Variants in ERGIC1 observed in about 807,000 individuals in gnomAD.
ERGIC1 encodes endoplasmic reticulum-Golgi intermediate compartment protein 1.
In ERGIC1, 19 loss-of-function variants were observed where a neutral mutation model predicts 38.3. That is an observed-to-expected ratio of 0.50 (90% CI 0.35 to 0.73). The LOEUF (loss-of-function observed/expected upper bound fraction) is 0.73. Ranked by LOEUF, ERGIC1 falls within the 30% of genes least tolerant of loss-of-function variation. ERGIC1 has a pLI of 0.01. For synonymous variants in ERGIC1, 124 were observed against 157.6 expected (o/e 0.79, Z 1.60); for missense variants, 294 against 389.2 (o/e 0.76, Z 2.06).
At chr5:172,844,552 C>T (rs547131872) in intron 1 of ERGIC1, among the ~76,000 whole-genome samples, 170 of 152,310 alleles carry the variant, frequency 1.1e-3, no homozygotes, top group African/African-American at 3.5e-3. Flanking sequence ...ACCTTGGGCT[C>T]GTGGGAGGTG....
chr5:172,912,763 C>CT (rs1763239729), intron 4 of ERGIC1, among the ~76,000 whole-genome samples: 1 of 141,498 alleles, frequency 7.1e-6, no homozygotes, highest in Admixed American at 7.1e-5. Flanking sequence ...CTTTTCTTTT[C>CT]TTTCTTTCTT....
chr5:172,950,815 G>T lies in ERGIC1; in HGVS notation c.872G>T (p.Ter291LeuextTer128), dbSNP rs1205190520. Residue 291 changes from the stop codon to leucine (L), a stop_lost, in exon 10 of 10, where the codon TGA becomes TTA. Coordinates refer to ENST00000393784, the MANE Select transcript of ERGIC1 (RefSeq NM_001031711.3). ...AAGATCCAGCTGGGCAAGATGCATT[G>T]ACGCCACACCCAGCCTAATGGCCGA... ...WKKIQLGKMH* is the reference protein window; with the variant it reads ...WKKIQLGKMHL 11 of 1,607,770 alleles carry T rather than the reference G, an allele frequency of 6.8e-6. No homozygotes were observed. The highest frequency in any genetic ancestry group is 8.5e-6 in the Non-Finnish European group (10 of 1,175,406).
chr5:172,941,842 G>T (rs192949535), intron 9 of ERGIC1, among the ~76,000 whole-genome samples: 44 of 152,306 alleles, frequency 2.9e-4, no homozygotes, highest in African/African-American at 1.0e-3. Context: ...ACCTGTTTAG[G>T]CTTCTGCAAA....
At chr5:172,891,230 G>C (rs1762550866) in intron 2 of ERGIC1, among the ~76,000 whole-genome samples, 1 of 152,116 alleles carries the variant, frequency 6.6e-6, no homozygotes, top group African/African-American at 2.4e-5. Flanking sequence ...TGACTCCCGA[G>C]GAAAGGATAT....
intron 1 of ERGIC1, among the ~76,000 whole-genome samples, chr5:172,838,347 C>T (rs772367527): frequency 6.6e-6 from 1 of 152,184 alleles, no homozygotes; most frequent in African/African-American, 2.4e-5. Context: ...ATGGACCCCC[C>T]TCTGAGTGTG....
intron 1 of ERGIC1, chr5:172,866,957 A>C (rs1271282959): frequency 2.9e-6 from 1 of 343,858 alleles, no homozygotes. Context: ...GAATGAATGC[A>C]TGAAAAAATG....
In ERGIC1 at chr5:172,902,487, C is replaced by T. The variant is rs569091327; in HGVS notation, c.155+5413C>T. Among the ~76,000 whole-genome samples the T allele has an allele frequency of 5.5e-4, 84 of 152,312 alleles. 1 individual carries two copies. The highest frequency in any genetic ancestry group is 1.9e-3 in the African/African-American group (79 of 41,570). On this transcript the variant is annotated intron_variant, in intron 3 of 9. Coordinates refer to ENST00000393784, the MANE Select transcript of ERGIC1 (RefSeq NM_001031711.3). ...TGGAGTGACGGGTTTATGTCTCAGA[C>T]AGCTCACCCCTTGTGAAGATGGGTT...
intron 1 of ERGIC1, among the ~76,000 whole-genome samples, chr5:172,861,279 C>T (rs531095920): frequency 9.8e-5 from 15 of 152,308 alleles, no homozygotes; most frequent in South Asian, 2.1e-4. Flanking sequence ...TCCCTTCCCT[C>T]GGGTCTCTGC....
rs776264638 is a variant in ERGIC1 at position 172,926,523 on chromosome 5, C to T, written c.495C>T (p.His165=). 8 of 1,613,810 alleles carry T rather than the reference C, an allele frequency of 5.0e-6. No homozygotes were observed. Among genetic ancestry groups the T allele is most frequent in the East Asian group, 2.2e-5 (1 of 44,868 alleles). ...TTTTTCCACAGGTCCAGAACATCCA[C>T]GGAGCTTTCAATGCTCTCGGGGGAG... ...FGDTLQVQNI[H]GAFNALGGAD... is the part of the protein sequence containing the mutation. Residue 165 remains histidine (H), a synonymous_variant, in exon 7 of 10, where the codon CAC becomes CAT. Transcript: ENST00000393784. This position sits in a 1 kb window ranked among gnomAD's most constrained non-coding sequence, Gnocchi z 5.2.
chr5:172,897,591 G>A lies in ERGIC1; in HGVS notation c.155+517G>A, dbSNP rs545696589. On this transcript the variant is annotated intron_variant, in intron 3 of 9. Coordinates refer to ENST00000393784, the MANE Select transcript of ERGIC1 (RefSeq NM_001031711.3). ...AATATTGCCTTGTTAAAGCTGAAGG[G>A]AACATTTTGGTTCCATTCCGTGGGG... Among the ~76,000 whole-genome samples the A allele has an allele frequency of 3.9e-5, 6 of 152,298 alleles. No homozygotes were observed. The East Asian group carries it at 1.2e-3, about 29-fold the overall frequency.
intron 5 of ERGIC1, among the ~76,000 whole-genome samples, chr5:172,919,731 C>T (rs1763461791): frequency 1.3e-5 from 2 of 152,222 alleles, no homozygotes; most frequent in Non-Finnish European, 2.9e-5. Flanking sequence ...TGGCCTGCCT[C>T]ATCTCCCGTC....
rs774457624 is a variant in ERGIC1 at position 172,932,339 on chromosome 5, C to T, written c.542-97C>T. 2.3e-5 allele frequency: 28 copies of T among 1,235,614 alleles called. 1 individual carries two copies. Among genetic ancestry groups the T allele is most frequent in the African/African-American group, 2.1e-4 (14 of 67,430 alleles). The allele number at this position is 1,235,614 out of a possible 1,614,324, so 76.5% of individuals were successfully genotyped here. ...TAAAACTGGGGAATGAGCCCCCTGC[C>T]GTGCCCAGGGAATTTAGGCTTAGGA... is the stretch of plus-strand genomic sequence containing the variant. On this transcript the variant is annotated intron_variant, in intron 7 of 9. Coordinates refer to ENST00000393784, the MANE Select transcript of ERGIC1 (RefSeq NM_001031711.3).
intron 9 of ERGIC1, among the ~76,000 whole-genome samples, chr5:172,945,902 G>A (rs970734770): frequency 2.0e-5 from 3 of 152,126 alleles, no homozygotes; most frequent in South Asian, 2.1e-4. Flanking sequence ...CAGGTTGGTC[G>A]CAATCTCCTG....
chr5:172,846,194 C>G lies in ERGIC1; in HGVS notation c.20+11761C>G, dbSNP rs1328957362. ...CATTTGGGTTGGTGGTCTTTCTCCC[C>G]CTCCCCCAATCCCCTGCACCCATCA... is the stretch of plus-strand genomic sequence containing the variant. On this transcript the variant is annotated intron_variant, in intron 1 of 9. Coordinates refer to ENST00000393784, the MANE Select transcript of ERGIC1 (RefSeq NM_001031711.3). This position sits in a 1 kb window ranked among gnomAD's most constrained non-coding sequence, Gnocchi z 4.0. Among the ~76,000 whole-genome samples, 1 of 152,156 alleles carries G rather than the reference C, an allele frequency of 6.6e-6. No individual in the cohort carries two copies. The highest frequency in any genetic ancestry group is 1.5e-5 in the Non-Finnish European group (1 of 68,012).
intron 1 of ERGIC1, among the ~76,000 whole-genome samples, chr5:172,853,114 C>T (rs1405132358): frequency 1.3e-5 from 2 of 152,146 alleles, no homozygotes; most frequent in South Asian, 4.1e-4. Context: ...TGTGTTCATG[C>T]CTTTGCTGCA....
intron 9 of ERGIC1, among the ~76,000 whole-genome samples, chr5:172,944,556 G>A (rs1172529340): frequency 2.0e-5 from 3 of 152,076 alleles, no homozygotes; most frequent in Non-Finnish European, 4.4e-5. Context: ...ACAGGGTTTC[G>A]CCTTGTTGGC....
At chr5:172,835,997 C>T (rs980032857) in intron 1 of ERGIC1, among the ~76,000 whole-genome samples, 7 of 152,214 alleles carry the variant, frequency 4.6e-5, no homozygotes, top group Non-Finnish European at 1.0e-4. Flanking sequence ...GGGATTCGTG[C>T]CACCGCCGCC....
rs556611095 is a variant in ERGIC1, at chr5:172,914,323, AC to A, written c.251-388del. On this transcript the variant is annotated intron_variant, in intron 4 of 9. Transcript: ENST00000393784. ...GCACTTTCCACCTAGCGTTCATCAG[AC>A]CCTAAGCATTTTCTACATCTATGAA... is the stretch of plus-strand genomic sequence containing the variant. Among the ~76,000 whole-genome samples, 387 of 151,908 alleles carry A rather than the reference AC, an allele frequency of 2.5e-3. 2 individuals carry two copies. The highest frequency in any genetic ancestry group is 8.8e-3 in the African/African-American group (364 of 41,418).
At chr5:172,948,233 A>G (rs1308333651) in intron 9 of ERGIC1, among the ~76,000 whole-genome samples, 1 of 152,140 alleles carries the variant, frequency 6.6e-6, no homozygotes, top group African/African-American at 2.4e-5. Context: ...ACCCATCCAT[A>G]CAGACCTGGT....
Sources: gnomAD v4.1 joint callset for allele counts (sites outside exome capture counted in the v4.1 genomes callset) on GRCh38, gnomAD v4.1.1 for gene constraint, Gnocchi (gnomAD v3.1) non-coding constraint, MANE v1.5 for transcripts, NCBI Gene and HGNC (gene_info 2026-07-23, HGNC 2026-07-21) for gene names.